Variants in AFF2 observed in about 807,000 individuals in gnomAD.
The protein encoded by AFF2 is AF4/FMR2 family member 2.
Under a neutral mutation model 76.9 loss-of-function variants are expected in AFF2, and 14 were observed. The ratio of observed to expected loss-of-function variants is 0.18; its 90% confidence interval spans 0.12 to 0.28. The LOEUF (loss-of-function observed/expected upper bound fraction) is 0.28. Among genes scored for constraint, AFF2 ranks in the 10% least tolerant of loss-of-function variants. The pLI, the probability that AFF2 is intolerant of heterozygous loss-of-function variation, is 1.00. For missense variants in AFF2, 868 were observed against 1,001.1 expected, an observed-to-expected ratio of 0.87 and a Z score of 1.79; for synonymous variants, 398 against 366.7, an observed-to-expected ratio of 1.09 and a Z score of -0.98.
intron 3 of AFF2, among the ~76,000 whole-genome samples, chrX:148,737,727 C>G (rs1416225561): frequency 9.0e-6 from 1 of 111,403 alleles, no homozygotes; most frequent in Non-Finnish European, 1.9e-5. Flanking sequence ...CAACTTTTCC[C>G]CATTCAGTAT....
intron 1 of AFF2, among the ~76,000 whole-genome samples, chrX:148,627,420 T>A (rs1557252260): frequency 9.2e-6 from 1 of 109,010 alleles, no homozygotes; most frequent in African/African-American, 3.4e-5. Context: ...TGAATGGGGG[T>A]CAGCTTGCCC....
chrX:148,987,399 T>G lies in AFF2; in HGVS notation c.3656T>G (p.Val1219Gly). The G allele has an allele frequency of 8.3e-7, 1 of 1,210,187 alleles. No individual in the cohort carries two copies. The highest frequency in any genetic ancestry group is 1.1e-6 in the Non-Finnish European group (1 of 894,866). The stretch of plus-strand genomic sequence containing the variant: ...CCATCCCCAGTGTCTCTCAACAACG[T>G]CTCCCCCATCAACGCAATGGGGAAC... ...NTPSPVSLNN[V>G]SPINAMGNCN... The change falls in exon 20 of 21, where the codon GTC (valine) becomes GGC (glycine). Residue 1219 changes from valine (V) to glycine (G), a missense_variant. Coordinates refer to ENST00000370460, the MANE Select transcript of AFF2 (RefSeq NM_002025.4).
In AFF2 at chrX:148,988,223, G is replaced by T. The variant is rs1219778453; in HGVS notation, c.3814+666G>T. Among the ~76,000 whole-genome samples, 15 of 112,052 alleles carry T rather than the reference G, an allele frequency of 1.3e-4. 1 individual carries two copies. In the Admixed American group the frequency reaches 1.4e-3, roughly 11 times the overall value. ...ACAAAGCCTCACTACCCTAATGAAG[G>T]TGGGAAGTAAAATTAAACTGCACAT... On this transcript the variant is annotated intron_variant, in intron 20 of 20. Coordinates refer to ENST00000370460, the MANE Select transcript of AFF2 (RefSeq NM_002025.4).
intron 3 of AFF2, among the ~76,000 whole-genome samples, chrX:148,742,628 G>C (rs1163801817): frequency 3.6e-5 from 4 of 111,631 alleles, no homozygotes; most frequent in African/African-American, 1.3e-4. Flanking sequence ...GGGACTAATA[G>C]AATCCCTAAA....
At chrX:148,795,610 G>A (rs1410963596) in intron 3 of AFF2, among the ~76,000 whole-genome samples, 1 of 102,919 alleles carries the variant, frequency 9.7e-6, no homozygotes, top group Non-Finnish European at 2.0e-5. Context: ...AGACCATGCT[G>A]GCTAACACGG....
chrX:148,958,384 G>A lies in AFF2; in HGVS notation c.2616G>A (p.Glu872=). ...TCCCTGAGAAGAAGCAGCGCCTGGA[G>A]GAGGCCACAACTATCTGCTTGCTCC... ...EKIPEKKQRL[E]EATTICLLPP... Residue 872 remains glutamate (E), a synonymous_variant, in exon 12 of 21, where the codon GAG becomes GAA. Transcript: ENST00000370460. The A allele has an allele frequency of 8.3e-7, 1 of 1,210,899 alleles. No homozygotes were observed. Among genetic ancestry groups the A allele is most frequent in the Admixed American group, 2.2e-5 (1 of 46,028 alleles).
intron 7 of AFF2, among the ~76,000 whole-genome samples, chrX:148,876,822 A>G (rs1425210170): frequency 9.0e-6 from 1 of 111,497 alleles, no homozygotes; most frequent in East Asian, 2.8e-4. Context: ...TGGAACATCC[A>G]TTGATCCTCC....
chrX:148,953,116 T>C (rs1475491838), intron 9 of AFF2, among the ~76,000 whole-genome samples: 2 of 111,667 alleles, frequency 1.8e-5, no homozygotes, highest in Non-Finnish European at 3.8e-5. Context: ...CACTCCTTCT[T>C]GGTAATAGAA....
At chrX:148,605,966 C>A (rs1473833713) in intron 1 of AFF2, among the ~76,000 whole-genome samples, 1 of 111,709 alleles carries the variant, frequency 9.0e-6, no homozygotes. Flanking sequence ...AAAATATCTC[C>A]CCCAAATTTA....
chrX:148,643,690 G>A (rs782682669), intron 1 of AFF2, among the ~76,000 whole-genome samples: 1 of 111,635 alleles, frequency 9.0e-6, no homozygotes, highest in South Asian at 3.8e-4. Flanking sequence ...GGACAAGGAA[G>A]TGCTTGACAT....
At chrX:148,790,588 A>G (rs2069879235) in intron 3 of AFF2, among the ~76,000 whole-genome samples, 1 of 110,409 alleles carries the variant, frequency 9.1e-6, no homozygotes, top group South Asian at 3.9e-4. Context: ...TAACACAGGA[A>G]CAGAAAACCA....
chrX:148,777,807 T>C (rs1168808941), intron 3 of AFF2, among the ~76,000 whole-genome samples: 1 of 112,174 alleles, frequency 8.9e-6, no homozygotes, highest in African/African-American at 3.2e-5. Flanking sequence ...ACAGAGATAA[T>C]TTGACTTCCT....
At chrX:148,813,871 C>G (rs1322847773) in intron 4 of AFF2, among the ~76,000 whole-genome samples, 1 of 112,231 alleles carries the variant, frequency 8.9e-6, no homozygotes, top group Non-Finnish European at 1.9e-5. Context: ...AACTAGAATT[C>G]ACTGGCCTAC....
chrX:148,700,259 A>C (rs1266330202), intron 3 of AFF2, among the ~76,000 whole-genome samples: 2 of 111,310 alleles, frequency 1.8e-5, no homozygotes, highest in Non-Finnish European at 3.8e-5. Context: ...CTCTGTTCAA[A>C]CCAGCCTTCC....
chrX:148,811,155 A>G (rs1281807886), intron 4 of AFF2, among the ~76,000 whole-genome samples: 1 of 111,372 alleles, frequency 9.0e-6, no homozygotes, highest in African/African-American at 3.3e-5. Context: ...TCCCAAGTCA[A>G]TGGACTGGTA....
intron 4 of AFF2, among the ~76,000 whole-genome samples, chrX:148,814,039 C>T (rs2070234726): frequency 8.9e-6 from 1 of 112,254 alleles, no homozygotes; most frequent in Admixed American, 9.4e-5. Flanking sequence ...TTTACACTTG[C>T]TTCCGTCAGC....
chrX:148,852,632 G>C (rs1346694225), intron 7 of AFF2, among the ~76,000 whole-genome samples: 1 of 111,102 alleles, frequency 9.0e-6, no homozygotes, highest in East Asian at 2.8e-4. Flanking sequence ...CAGTATTCTT[G>C]GGTAATTGCA....
chrX:148,637,012 G>A lies in AFF2; in HGVS notation c.48-14987G>A, dbSNP rs782695989. Among the ~76,000 whole-genome samples the A allele has an allele frequency of 8.9e-5, 10 of 111,827 alleles. No homozygotes were observed. In the South Asian group the frequency reaches 3.7e-3, roughly 42 times the overall value. On this transcript the variant is annotated intron_variant, in intron 1 of 20. Coordinates refer to ENST00000370460, the MANE Select transcript of AFF2 (RefSeq NM_002025.4). ...ATATTTCAGAGAAGGGCACGCACTG[G>A]TTCCCACATACCAGCACACTGTTTG...
At chrX:148,677,186 G>A (rs1337122265) in intron 3 of AFF2, among the ~76,000 whole-genome samples, 1 of 110,716 alleles carries the variant, frequency 9.0e-6, no homozygotes, top group Non-Finnish European at 1.9e-5. Context: ...ATGATGCTGA[G>A]ATTTCTAGCT....
Sources: gnomAD v4.1 joint callset for allele counts (sites outside exome capture counted in the v4.1 genomes callset) on GRCh38, gnomAD v4.1.1 for gene constraint, MANE v1.5 for transcripts, NCBI Gene and HGNC (gene_info 2026-07-23, HGNC 2026-07-21) for gene names.